SAMMSON: variants seen among roughly 807,000 people sequenced by gnomAD.
SAMMSON encodes the protein long intergenic non-protein coding RNA 1212.
intron 9 of SAMMSON, among the ~76,000 whole-genome samples, chr3:70,382,995 A>G (rs1703086066): frequency 6.6e-6 from 1 of 152,090 alleles, no homozygotes; most frequent in African/African-American, 2.4e-5. Context: ...GAGTAAATGA[A>G]AATGGTTTCT....
chr3:70,367,816 T>C (rs1702932984), intron 9 of SAMMSON, among the ~76,000 whole-genome samples: 1 of 151,708 alleles, frequency 6.6e-6, no homozygotes. Context: ...TTTTTCATAA[T>C]GGCTGTACTA....
At chr3:70,047,227 G>A (rs1360239568) in intron 3 of SAMMSON, among the ~76,000 whole-genome samples, 5 of 151,924 alleles carry the variant, frequency 3.3e-5, no homozygotes, top group African/African-American at 4.8e-5. Context: ...TTGGGCTAAC[G>A]AATGAATGAA....
chr3:70,078,755 T>C (rs533359403), intron 4 of SAMMSON, among the ~76,000 whole-genome samples: 2 of 152,308 alleles, frequency 1.3e-5, no homozygotes, highest in East Asian at 1.9e-4. Flanking sequence ...CAGGCACCCA[T>C]GGCACAAAAC....
At chr3:70,018,944 A>G (rs2066998753) in intron 3 of SAMMSON, among the ~76,000 whole-genome samples, 1 of 152,204 alleles carries the variant, frequency 6.6e-6, no homozygotes, top group Non-Finnish European at 1.5e-5. Context: ...GTGGTCTGAG[A>G]GACAGTTTGT....
chr3:70,433,608 C>G (rs772004762), intron 2 of SAMMSON, among the ~76,000 whole-genome samples: 7 of 151,794 alleles, frequency 4.6e-5, no homozygotes, highest in Non-Finnish European at 7.4e-5. Context: ...TGTGCTTTGT[C>G]CTTTCATTCT....
At chr3:70,336,747 C>T (rs1702663190) in intron 7 of SAMMSON, among the ~76,000 whole-genome samples, 2 of 150,576 alleles carry the variant, frequency 1.3e-5, no homozygotes, top group South Asian at 4.2e-4. Context: ...CTTAATGTAT[C>T]CTCTCTTTAG....
intron 4 of SAMMSON, among the ~76,000 whole-genome samples, chr3:70,105,775 T>G (rs1278065088): frequency 6.6e-6 from 1 of 152,190 alleles, no homozygotes; most frequent in Non-Finnish European, 1.5e-5. Flanking sequence ...GGAGACTATA[T>G]TTCTCCTCTT....
intron 1 of SAMMSON, among the ~76,000 whole-genome samples, chr3:70,006,603 G>C (rs2066927490): frequency 6.6e-6 from 1 of 152,052 alleles, no homozygotes; most frequent in Admixed American, 6.5e-5. Flanking sequence ...AGCTTATCAG[G>C]AGCAATGCTC....
At chr3:70,323,892 AG>A (rs1702556924) in intron 7 of SAMMSON, among the ~76,000 whole-genome samples, 1 of 152,108 alleles carries the variant, frequency 6.6e-6, no homozygotes, top group African/African-American at 2.4e-5. Flanking sequence ...CTTCTCCTGC[AG>A]GATGCCTACT....
At chr3:70,364,625 A>G (rs900899244) in intron 9 of SAMMSON, among the ~76,000 whole-genome samples, 12 of 151,826 alleles carry the variant, frequency 7.9e-5, no homozygotes, top group African/African-American at 2.2e-4. Flanking sequence ...GGTATACAGC[A>G]TGTTCTTCTT....
At chr3:70,140,841 A>C (rs752646221) in intron 4 of SAMMSON, among the ~76,000 whole-genome samples, 1 of 151,990 alleles carries the variant, frequency 6.6e-6, no homozygotes, top group Non-Finnish European at 1.5e-5. Flanking sequence ...CCTCATTTCC[A>C]TCTGAGTCTT....
chr3:70,150,825 TG>T (rs2067568393), intron 4 of SAMMSON, among the ~76,000 whole-genome samples: 1 of 151,916 alleles, frequency 6.6e-6, no homozygotes, highest in African/African-American at 2.4e-5. Context: ...CTGGGAAATA[TG>T]GAGGGAAAAC....
chr3:70,079,375 A>G (rs59011688), intron 4 of SAMMSON, among the ~76,000 whole-genome samples: 2,810 of 152,290 alleles, frequency 0.018, 91 homozygotes, highest in African/African-American at 0.064. Flanking sequence ...AGGCTTCCCC[A>G]GAGACCCACG....
At chr3:70,166,457 G>A (rs1357131170) in intron 4 of SAMMSON, among the ~76,000 whole-genome samples, 1 of 150,120 alleles carries the variant, frequency 6.7e-6, no homozygotes, top group Non-Finnish European at 1.5e-5. Context: ...AGGTGTTCTT[G>A]AAGATAGTAT....
At chr3:70,055,573 G>C (rs1234286457) in intron 3 of SAMMSON, among the ~76,000 whole-genome samples, 3 of 152,054 alleles carry the variant, frequency 2.0e-5, no homozygotes, top group African/African-American at 7.2e-5. Context: ...CCTTCCGGAA[G>C]AATTTATTAT....
chr3:70,297,295 A>G (rs376431534), intron 7 of SAMMSON, among the ~76,000 whole-genome samples: 21 of 152,128 alleles, frequency 1.4e-4, no homozygotes, highest in African/African-American at 5.1e-4. Flanking sequence ...CTGTTTACTT[A>G]AATAAGCTGG....
intron 4 of SAMMSON, among the ~76,000 whole-genome samples, chr3:70,158,749 G>A (rs1055155464): frequency 6.6e-6 from 1 of 151,970 alleles, no homozygotes; most frequent in Non-Finnish European, 1.5e-5. Flanking sequence ...TAAAAAAACA[G>A]ACTTTAGAGT....
intron 4 of SAMMSON, among the ~76,000 whole-genome samples, chr3:70,115,223 AAAAG>A (rs1226864461): frequency 3.3e-5 from 5 of 151,086 alleles, no homozygotes; most frequent in Admixed American, 1.3e-4. Context: ...AAAAAAAAAA[AAAAG>A]AAAGAAAGAA....
intron 4 of SAMMSON, among the ~76,000 whole-genome samples, chr3:70,108,314 T>C (rs1280329729): frequency 6.6e-6 from 1 of 151,962 alleles, no homozygotes; most frequent in Non-Finnish European, 1.5e-5. Flanking sequence ...AAGGGATGAA[T>C]TGCAGAAGGC....
Sources: gnomAD v4.1 joint callset for allele counts (sites outside exome capture counted in the v4.1 genomes callset) on GRCh38, gnomAD v4.1.1 for gene constraint, MANE v1.5 for transcripts, NCBI Gene and HGNC (gene_info 2026-07-23, HGNC 2026-07-21) for gene names.